GRID2: variants seen among roughly 807,000 people sequenced by gnomAD.
GRID2 encodes glutamate ionotropic receptor delta type subunit 2, also known as glutamate receptor ionotropic, delta-2.
GRID2 carries 33 observed loss-of-function variants against 114.8 expected under a neutral mutation model. The observed-to-expected ratio is 0.29, with a 90% CI of 0.22 to 0.38. GRID2 has a LOEUF of 0.38. Ranked by LOEUF, GRID2 falls within the 10% of genes least tolerant of loss-of-function variation. The pLI is 1.00. For synonymous variants in GRID2, 505 were observed against 449.9 expected (o/e 1.12, Z -1.55); for missense variants, 1,184 against 1,257.7 (o/e 0.94, Z 0.89).
At chr4:93,784,091 A>AC (rs1734542187) in intron 1 of GRID2, among the ~76,000 whole-genome samples, 1 of 150,222 alleles carries the variant, frequency 6.7e-6, no homozygotes, top group Non-Finnish European at 1.5e-5. Flanking sequence ...AAAAAAAAAA[A>AC]AAAAAAAACC....
At chr4:93,047,863 T>C (rs1726296001) in intron 2 of GRID2, among the ~76,000 whole-genome samples, 1 of 148,440 alleles carries the variant, frequency 6.7e-6, no homozygotes, top group Non-Finnish European at 1.5e-5. Flanking sequence ...CTCTGATGAC[T>C]TAAAAAACAA....
intron 1 of GRID2, among the ~76,000 whole-genome samples, chr4:92,475,529 A>G (rs965201417): frequency 6.6e-6 from 1 of 151,862 alleles, no homozygotes; most frequent in Non-Finnish European, 1.5e-5. Flanking sequence ...CTGTTAGCAC[A>G]TGTATCTGAT....
intron 1 of GRID2, among the ~76,000 whole-genome samples, chr4:92,331,263 CA>C (rs1216495241): frequency 6.6e-6 from 1 of 152,078 alleles, no homozygotes; most frequent in Non-Finnish European, 1.5e-5. Context: ...AGTAGAAAGG[CA>C]AGAGAAACTA....
intron 1 of GRID2, among the ~76,000 whole-genome samples, chr4:92,415,326 A>G (rs1288499067): frequency 2.6e-5 from 4 of 151,814 alleles, no homozygotes; most frequent in African/African-American, 9.7e-5. Context: ...TATTTTTATT[A>G]TTATTATTTT....
rs1425563964 is a variant in GRID2, at chr4:93,216,721, C to T, written c.790-17C>T. The T allele has an allele frequency of 3.9e-6, 6 of 1,552,520 alleles. No individual in the cohort carries two copies. The African/African-American group carries it at 6.8e-5, about 18-fold the overall frequency. ...TGTATTAAAGTATCTCTAATTCTTCCACCTCTTATCTTATAGGAAATAAAC... is the reference window on the plus strand; with the variant it reads ...TGTATTAAAGTATCTCTAATTCTTCTACCTCTTATCTTATAGGAAATAAAC... On this transcript the variant is annotated splice_polypyrimidine_tract_variant and intron_variant, in intron 5 of 15. Transcript: ENST00000282020.
chr4:93,307,034 A>G (rs544500027), intron 8 of GRID2, among the ~76,000 whole-genome samples: 32 of 152,112 alleles, frequency 2.1e-4, no homozygotes, highest in Admixed American at 9.2e-4. Context: ...CGTCTCTACT[A>G]AAAATACAAA....
chr4:92,751,412 T>C (rs1737450044), intron 2 of GRID2, among the ~76,000 whole-genome samples: 1 of 152,162 alleles, frequency 6.6e-6, no homozygotes, highest in Non-Finnish European at 1.5e-5. Flanking sequence ...TTACCTATTC[T>C]AAATATACAT....
chr4:92,593,588 T>A (rs1728808424), intron 2 of GRID2, among the ~76,000 whole-genome samples: 1 of 151,926 alleles, frequency 6.6e-6, no homozygotes, highest in Non-Finnish European at 1.5e-5. Context: ...TTCCATTCTC[T>A]GGAGATCAAT....
intron 4 of GRID2, among the ~76,000 whole-genome samples, chr4:93,173,861 G>A (rs1450642669): frequency 6.6e-6 from 1 of 152,126 alleles, no homozygotes; most frequent in Admixed American, 6.5e-5. Flanking sequence ...TAACTTCTGA[G>A]TTCAAGCGAT....
intron 2 of GRID2, among the ~76,000 whole-genome samples, chr4:93,001,303 A>C (rs960986861): frequency 2.0e-5 from 3 of 151,654 alleles, no homozygotes; most frequent in Non-Finnish European, 4.4e-5. Context: ...AATCACAGTA[A>C]ACTTCATTTC....
At chr4:92,316,955 C>A (rs1726017764) in intron 1 of GRID2, among the ~76,000 whole-genome samples, 1 of 151,960 alleles carries the variant, frequency 6.6e-6, no homozygotes, top group African/African-American at 2.4e-5. Context: ...TATTTTAATT[C>A]TTTTATTTTT....
intron 1 of GRID2, among the ~76,000 whole-genome samples, chr4:92,576,341 G>T (rs921528222): frequency 6.6e-6 from 1 of 152,230 alleles, no homozygotes; most frequent in Admixed American, 6.5e-5. Flanking sequence ...GGACTAAACA[G>T]CAGATATGGT....
intron 13 of GRID2, among the ~76,000 whole-genome samples, chr4:93,618,739 A>T (rs919154697): frequency 6.6e-6 from 1 of 152,194 alleles, no homozygotes; most frequent in African/African-American, 2.4e-5. Flanking sequence ...CCTTCCCTGC[A>T]GGTTGCACTT....
At chr4:92,366,732 C>T (rs1036241995) in intron 1 of GRID2, among the ~76,000 whole-genome samples, 5 of 151,852 alleles carry the variant, frequency 3.3e-5, no homozygotes, top group Admixed American at 2.0e-4. Context: ...GTGAGAAGAA[C>T]ATATGAGAGA....
At chr4:92,736,249 G>A (rs888975512) in intron 2 of GRID2, among the ~76,000 whole-genome samples, 1 of 151,962 alleles carries the variant, frequency 6.6e-6, no homozygotes, top group Non-Finnish European at 1.5e-5. Flanking sequence ...AGGTGGAGGA[G>A]GCCTGTGGAT....
At chr4:92,947,225 A>G (rs1196790135) in intron 2 of GRID2, among the ~76,000 whole-genome samples, 1 of 152,066 alleles carries the variant, frequency 6.6e-6, no homozygotes, top group African/African-American at 2.4e-5. Context: ...TAGATTCTAA[A>G]GAGAAAAACA....
chr4:93,243,354 A>T (rs1747766598), intron 8 of GRID2, among the ~76,000 whole-genome samples: 1 of 152,036 alleles, frequency 6.6e-6, no homozygotes, highest in East Asian at 1.9e-4. Flanking sequence ...TACTTATGAA[A>T]GGAAAATAAC....
At chr4:93,753,915 A>G (rs1291078200) in intron 14 of GRID2, among the ~76,000 whole-genome samples, 1 of 152,184 alleles carries the variant, frequency 6.6e-6, no homozygotes, top group South Asian at 2.1e-4. Flanking sequence ...GTCATGGATC[A>G]CTTAGTGATG....
chr4:92,849,940 TTATAA>T (rs1157862755), intron 2 of GRID2, among the ~76,000 whole-genome samples: 2 of 151,602 alleles, frequency 1.3e-5, no homozygotes, highest in Non-Finnish European at 3.0e-5. Flanking sequence ...CAATTAAAGA[TTATAA>T]TATATTTTAT....
Sources: allele counts gnomAD v4.1 joint callset (sites outside exome capture counted in the v4.1 genomes callset), GRCh38; gene constraint gnomAD v4.1.1; transcripts MANE v1.5; gene names NCBI Gene and HGNC (gene_info 2026-07-23, HGNC 2026-07-21).